Variants in VSTM2A observed in about 807,000 individuals in gnomAD.
VSTM2A encodes V-set and transmembrane domain-containing protein 2A.
Under a neutral mutation model 27.3 loss-of-function variants are expected in VSTM2A, and 13 were observed. The ratio of observed to expected loss-of-function variants is 0.48; its 90% CI spans 0.31 to 0.76. The LOEUF (loss-of-function observed/expected upper bound fraction) is 0.76, where lower values mean the gene tolerates loss of function less well. Ranked by LOEUF, VSTM2A falls within the 30% of genes least tolerant of loss-of-function variation. The probability of loss-of-function intolerance (pLI) is 0.05; values close to 1 mark genes in which losing one functional copy is unlikely to be tolerated. For missense variants in VSTM2A, 280 were observed against 310.0 expected (o/e 0.90, Z 0.73); for synonymous variants, 142 against 125.7 (o/e 1.13, Z -0.87).
intron 4 of VSTM2A, among the ~76,000 whole-genome samples, chr7:54,556,420 A>C (rs956234963): frequency 2.0e-5 from 3 of 152,190 alleles, no homozygotes; most frequent in African/African-American, 7.2e-5. Flanking sequence ...AGGATGTCAA[A>C]GTCATTGGGA....
At position 54,569,143 on chromosome 7, in the gene VSTM2A, C is replaced by A. The variant is rs763349086; in HGVS notation, c.647C>A (p.Ser216Ter). Reference protein sequence around the residue: ...KQSPQSAKSKSPVKSTERTAK... With the variant: ...KQSPQSAKSK ...TCTCTTCTTAAAGCAAAGAGCAAAT[C>A]GCCTGTAAAATCTACGGAGCGGACA... Residue 216 changes from serine to a stop codon, truncating the protein, a stop_gained, in exon 5 of 5, where the codon TCG becomes TAG. Transcript: ENST00000402613. LOFTEE classifies it high-confidence loss of function. 1.3e-6 allele frequency: 2 copies of A among 1,559,574 alleles called. No homozygotes were observed. The highest frequency in any genetic ancestry group is 1.9e-5 in the Admixed American group (1 of 51,696).
intron 2 of VSTM2A, 43 bp downstream of exon 2, chr7:54,544,831 G>C: frequency 1.3e-6 from 2 of 1,541,968 alleles, no homozygotes; most frequent in South Asian, 1.2e-5. Flanking sequence ...TCGCTCGCCC[G>C]GTCCTCAGGG....
chr7:54,549,999 C>G lies in VSTM2A; in HGVS notation c.463C>G (p.Arg155Gly). Residue 155 changes from arginine to glycine, a missense_variant, in exon 4 of 5, where the codon CGC (arginine) becomes GGC (glycine). Transcript: ENST00000402613. Reference sequence around the variant, plus strand: ...GAAAGTCAATGCCAACAGCCATGCCCGCAGAATGCAGGCCTTCGAAGCCTC... The same window carrying G: ...GAAAGTCAATGCCAACAGCCATGCCGGCAGAATGCAGGCCTTCGAAGCCTC... ...YLKVNANSHA[R>G]RMQAFEASPM... 6.2e-7 allele frequency: 1 copy of G among 1,612,868 alleles called. No individual in the cohort carries two copies.
rs1450293997 is a variant in VSTM2A, at chr7:54,569,351, T to C, written c.*132T>C. On this transcript the variant is annotated 3_prime_UTR_variant, in exon 5 of 5. Coordinates refer to ENST00000402613, the MANE Select transcript of VSTM2A (RefSeq NM_001301009.2). ...GAATTAACGTGAAGTGATAGAACGT[T>C]TTCTAATAGCAAGATCTATTTTTTC... 1.4e-6 allele frequency: 2 copies of C among 1,426,500 alleles called. No individual in the cohort carries two copies. Among genetic ancestry groups the C allele is most frequent in the Non-Finnish European group, 1.9e-6 (2 of 1,070,914 alleles). The allele number at this position is 1,426,500 out of a possible 1,614,324, so 88.4% of individuals were successfully genotyped here. A position where few individuals can be genotyped will look rare whatever the true frequency, so the allele number is the denominator to read the frequency against.
chr7:54,544,932 T>C, intron 2 of VSTM2A, 144 bp downstream of exon 2: 1 of 1,041,560 alleles, frequency 9.6e-7, no homozygotes. Flanking sequence ...CCAGGGCTTC[T>C]AGGGAGGGAA....
intron 4 of VSTM2A, among the ~76,000 whole-genome samples, chr7:54,568,305 A>T (rs1046817429): frequency 6.6e-6 from 1 of 152,194 alleles, no homozygotes; most frequent in African/African-American, 2.4e-5. Flanking sequence ...AACACATTTA[A>T]TCTTTCTCCA....
chr7:54,554,115 A>C (rs765474301), intron 4 of VSTM2A: 3 of 1,548,408 alleles, frequency 1.9e-6, no homozygotes, highest in Non-Finnish European at 2.6e-6. Context: ...GCTGTCATGC[A>C]AGTCACTGGT....
At position 54,570,768 on chromosome 7, in the gene VSTM2A, A is replaced by G. The variant is rs1675633236; in HGVS notation, c.*1549A>G. 6.6e-6 allele frequency: 1 copy of G among 152,188 alleles called. No individual in the cohort carries two copies. Among genetic ancestry groups the G allele is most frequent in the African/African-American group, 2.4e-5 (1 of 41,456 alleles). The allele number at this position is 152,188 out of a possible 1,614,324, so 9.4% of individuals were successfully genotyped here. On this transcript the variant is annotated 3_prime_UTR_variant, in exon 5 of 5. Coordinates refer to ENST00000402613, the MANE Select transcript of VSTM2A (RefSeq NM_001301009.2). ...GATAAATGACCTAAGTTTTCCTTCC[A>G]GAGAGACTCTTCCATTTTCTCTCAT...
At chr7:54,550,265 T>C (rs762824654) in intron 4 of VSTM2A, 95 bp downstream of exon 4, 1 of 1,522,390 alleles carries the variant, frequency 6.6e-7, no homozygotes, top group East Asian at 2.5e-5. Flanking sequence ...TGAATGGTGA[T>C]TTTTAAAATC....
At chr7:54,546,712 C>T (rs1241932176) in intron 2 of VSTM2A, 2 of 508,290 alleles carry the variant, frequency 3.9e-6, no homozygotes, top group Non-Finnish European at 6.9e-6. Context: ...CCGGGACAGC[C>T]CCGGGGAAAG....
At position 54,542,462 on chromosome 7, in the gene VSTM2A, T is replaced by G. The variant is rs1042485360; in HGVS notation, c.-269T>G. The G allele has an allele frequency of 2.1e-6, 1 of 487,686 alleles. No homozygotes were observed. The highest frequency in any genetic ancestry group is 3.6e-6 in the Non-Finnish European group (1 of 278,428). 30.2% of individuals were successfully genotyped at this position (487,686 alleles called of 1,614,324 possible). On this transcript the variant is annotated 5_prime_UTR_variant, in exon 1 of 5. Transcript: ENST00000402613. ...GACGTTGGACGAGCTGCCAGGTAGC[T>G]GAAAGCAGGCAGCCAGGCAGCCGAG...
At chr7:54,554,007 G>C (rs138858268) in intron 4 of VSTM2A, 1 of 1,553,138 alleles carries the variant, frequency 6.4e-7, no homozygotes. Context: ...GCGGCTTCCT[G>C]CTCCTCTTCC....
chr7:54,569,141 A>G lies in VSTM2A; in HGVS notation c.645A>G (p.Lys215=). The G allele has an allele frequency of 1.3e-6, 2 of 1,560,174 alleles. No individual in the cohort carries two copies. Among genetic ancestry groups the G allele is most frequent in the Non-Finnish European group, 1.7e-6 (2 of 1,150,850 alleles). Residue 215 remains lysine, a synonymous_variant, in exon 5 of 5, where the codon AAA becomes AAG. Transcript: ENST00000402613. ...PKQSPQSAKS[K]SPVKSTERTA... ...TTTCTCTTCTTAAAGCAAAGAGCAA[A>G]TCGCCTGTAAAATCTACGGAGCGGA...
Position 54,569,420 on chromosome 7 carries a change from G to T in VSTM2A, c.*201G>T, listed in dbSNP as rs570799008. The stretch of plus-strand genomic sequence containing the variant: ...AAAATCATCTCACTGACTGCTCAAG[G>T]GTTGGCCTGAATGTCATCAGGATAG... On this transcript the variant is annotated 3_prime_UTR_variant, in exon 5 of 5. Coordinates refer to ENST00000402613, the MANE Select transcript of VSTM2A (RefSeq NM_001301009.2). The T allele has an allele frequency of 1.1e-5, 10 of 927,724 alleles. No homozygotes were observed. In the Admixed American group the frequency reaches 1.2e-4, roughly 11 times the overall value. 57.5% of individuals were successfully genotyped at this position (927,724 alleles called of 1,614,324 possible).
At chr7:54,552,579 G>A (rs1788229185) in intron 4 of VSTM2A, 2 of 152,070 alleles carry the variant, frequency 1.3e-5, no homozygotes, top group Non-Finnish European at 2.9e-5. Context: ...ATCCCTCCTA[G>A]GAACTCACAT....
intron 4 of VSTM2A, chr7:54,559,741 G>T (rs1051892454): frequency 2.6e-5 from 4 of 152,088 alleles, no homozygotes; most frequent in African/African-American, 9.6e-5. Context: ...CAAAAGGAAA[G>T]TTACCTAGTG....
chr7:54,561,328 G>C (rs1360882218), intron 4 of VSTM2A, among the ~76,000 whole-genome samples: 1 of 152,040 alleles, frequency 6.6e-6, no homozygotes, highest in African/African-American at 2.4e-5. Context: ...ACACTTCTGA[G>C]GATAATACCA....
intron 2 of VSTM2A, chr7:54,546,703 C>A: frequency 2.1e-6 from 1 of 483,056 alleles, no homozygotes; most frequent in Non-Finnish European, 3.7e-6. Flanking sequence ...GGGACAGCCC[C>A]GGGACAGCCC....
At chr7:54,552,820 C>T (rs1788234999) in intron 4 of VSTM2A, among the ~76,000 whole-genome samples, 1 of 152,184 alleles carries the variant, frequency 6.6e-6, no homozygotes, top group Non-Finnish European at 1.5e-5. Context: ...TACAAAGAGG[C>T]ATCCTTCATC....
Sources: gnomAD v4.1 joint callset for allele counts (sites outside exome capture counted in the v4.1 genomes callset) on GRCh38, gnomAD v4.1.1 for gene constraint, MANE v1.5 for transcripts, NCBI Gene and HGNC (gene_info 2026-07-23, HGNC 2026-07-21) for gene names.